PLXDC2: variants seen among roughly 807,000 people sequenced by gnomAD.
The protein encoded by PLXDC2 is plexin domain-containing protein 2.
A neutral mutation model predicts 68.9 loss-of-function variants in PLXDC2; 40 were observed. The observed-to-expected ratio is 0.58, with a 90% CI of 0.45 to 0.76. PLXDC2 has a LOEUF of 0.76. Ranked by LOEUF, PLXDC2 falls within the 30% of genes least tolerant of loss-of-function variation. PLXDC2 has a pLI of 0.00. For missense variants in PLXDC2, 644 were observed against 661.9 expected (o/e 0.97, Z 0.30); for synonymous variants, 243 against 234.2 (o/e 1.04, Z -0.34).
chr10:20,235,550 A>G (rs1042693481), intron 12 of PLXDC2, among the ~76,000 whole-genome samples: 34 of 152,182 alleles, frequency 2.2e-4, no homozygotes, highest in African/African-American at 7.2e-4. Context: ...AGCTCTTACT[A>G]TTATGTCCAT....
chr10:20,005,828 C>T (rs1376606037), intron 2 of PLXDC2, among the ~76,000 whole-genome samples: 1 of 152,132 alleles, frequency 6.6e-6, no homozygotes, highest in Non-Finnish European at 1.5e-5. Context: ...ATTACATTTC[C>T]AAATGAGATT....
At chr10:19,820,925 A>G (rs1286031412) in intron 1 of PLXDC2, among the ~76,000 whole-genome samples, 6 of 152,062 alleles carry the variant, frequency 3.9e-5, no homozygotes, top group Non-Finnish European at 7.4e-5. Flanking sequence ...TAAAAATACA[A>G]AAATTAGCCG....
intron 13 of PLXDC2, among the ~76,000 whole-genome samples, chr10:20,246,114 A>G (rs1464609283): frequency 6.6e-6 from 1 of 152,224 alleles, no homozygotes; most frequent in African/African-American, 2.4e-5. Context: ...TGAGAACACC[A>G]TGCTGAATAA....
rs3048906 is a variant in PLXDC2 at position 20,125,933 on chromosome 10, CATATAT to C, written c.542-17348_542-17343del. ...TTTACTCCTTGCAGAGAGAAATGAA[CATATAT>C]ATATATATATATAATATTTACAATA... On this transcript the variant is annotated intron_variant, in intron 4 of 13. Transcript: ENST00000377252. 3.4e-3 allele frequency among the ~76,000 whole-genome samples: 501 copies of C among 146,524 alleles called. 23 individuals are homozygous for C. In the East Asian group the frequency reaches 0.08, roughly 23 times the overall value.
At chr10:20,051,790 G>A (rs1835906481) in intron 3 of PLXDC2, among the ~76,000 whole-genome samples, 1 of 151,754 alleles carries the variant, frequency 6.6e-6, no homozygotes, top group African/African-American at 2.4e-5. Flanking sequence ...ACTAATCCAG[G>A]GACCATGCTT....
intron 1 of PLXDC2, among the ~76,000 whole-genome samples, chr10:19,983,215 A>G (rs1403197709): frequency 1.3e-5 from 2 of 152,180 alleles, no homozygotes; most frequent in Non-Finnish European, 2.9e-5. Context: ...AGTAGATTTG[A>G]TAGCAATCAG....
intron 9 of PLXDC2, among the ~76,000 whole-genome samples, chr10:20,202,244 A>T (rs1316613645): frequency 6.6e-6 from 1 of 152,168 alleles, no homozygotes; most frequent in Non-Finnish European, 1.5e-5. Flanking sequence ...GTACACACAG[A>T]TATACACGTA....
At chr10:20,054,725 G>A (rs111538690) in intron 3 of PLXDC2, among the ~76,000 whole-genome samples, 193 of 152,108 alleles carry the variant, frequency 1.3e-3, no homozygotes, top group African/African-American at 4.4e-3. Flanking sequence ...AGGGGGGAGG[G>A]ATAGCATTAG....
intron 4 of PLXDC2, among the ~76,000 whole-genome samples, chr10:20,142,172 A>T (rs1834015241): frequency 6.6e-6 from 1 of 152,142 alleles, no homozygotes; most frequent in African/African-American, 2.4e-5. Flanking sequence ...CAGACCATAA[A>T]ATGAGTGATC....
intron 1 of PLXDC2, among the ~76,000 whole-genome samples, chr10:19,865,603 A>C (rs1290491474): frequency 2.0e-5 from 3 of 152,160 alleles, no homozygotes; most frequent in Non-Finnish European, 4.4e-5. Context: ...AAAAACGTCG[A>C]AAGTACCTCC....
intron 6 of PLXDC2, among the ~76,000 whole-genome samples, chr10:20,158,493 T>A (rs1834245984): frequency 8.9e-6 from 1 of 112,688 alleles, no homozygotes; most frequent in Admixed American, 1.1e-4. Flanking sequence ...AATGAGACTC[T>A]GTCTCTGCAA....
chr10:20,218,244 G>C (rs1202693923), intron 11 of PLXDC2, among the ~76,000 whole-genome samples: 2 of 152,016 alleles, frequency 1.3e-5, no homozygotes, highest in African/African-American at 4.8e-5. Flanking sequence ...ACATAAGACT[G>C]GCCACGAATC....
At chr10:20,021,098 A>G (rs937975690) in intron 2 of PLXDC2, among the ~76,000 whole-genome samples, 2 of 152,228 alleles carry the variant, frequency 1.3e-5, no homozygotes, top group African/African-American at 4.8e-5. Context: ...AAGATGTCAG[A>G]TATTATAAAA....
At chr10:20,153,978 G>A (rs1834183989) in intron 6 of PLXDC2, among the ~76,000 whole-genome samples, 1 of 152,002 alleles carries the variant, frequency 6.6e-6, no homozygotes, top group Non-Finnish European at 1.5e-5. Flanking sequence ...TGGGAGCAAA[G>A]GTAAGGTTTG....
At chr10:20,241,215 C>A (rs1835511351) in intron 12 of PLXDC2, among the ~76,000 whole-genome samples, 1 of 152,142 alleles carries the variant, frequency 6.6e-6, no homozygotes, top group African/African-American at 2.4e-5. Flanking sequence ...GTATTTATGT[C>A]TAAATAAAGG....
At chr10:20,075,376 G>T (rs1051098210) in intron 4 of PLXDC2, among the ~76,000 whole-genome samples, 3 of 152,000 alleles carry the variant, frequency 2.0e-5, no homozygotes, top group Non-Finnish European at 2.9e-5. Flanking sequence ...TTTTTGTAGA[G>T]ATGGAGTCTC....
At chr10:20,210,315 C>G (rs910874736) in intron 9 of PLXDC2, among the ~76,000 whole-genome samples, 3 of 152,124 alleles carry the variant, frequency 2.0e-5, no homozygotes, top group African/African-American at 7.2e-5. Context: ...ATCTTTTCCT[C>G]TCTTTCTTAA....
At chr10:19,949,988 A>G (rs1313623773) in intron 1 of PLXDC2, among the ~76,000 whole-genome samples, 3 of 152,222 alleles carry the variant, frequency 2.0e-5, no homozygotes, top group Non-Finnish European at 2.9e-5. Flanking sequence ...CTTTCCCTTA[A>G]TAAAGTAGAC....
chr10:19,855,752 G>A (rs1156742287), intron 1 of PLXDC2, among the ~76,000 whole-genome samples: 2 of 151,984 alleles, frequency 1.3e-5, no homozygotes, highest in Non-Finnish European at 2.9e-5. Flanking sequence ...AATATAATGG[G>A]CATAGTTTAG....
Sources: allele counts gnomAD v4.1 joint callset (sites outside exome capture counted in the v4.1 genomes callset), GRCh38; gene constraint gnomAD v4.1.1; transcripts MANE v1.5; gene names NCBI Gene and HGNC (gene_info 2026-07-23, HGNC 2026-07-21).